AFF1: variants seen among roughly 807,000 people sequenced by gnomAD.
AFF1 encodes the protein ALF transcription elongation factor 1.
AFF1 carries 48 observed loss-of-function variants against 121.7 expected under a neutral mutation model. The observed-to-expected ratio is 0.39, with a 90% CI of 0.31 to 0.50. The LOEUF is 0.50. Ranked by LOEUF, AFF1 falls within the 20% of genes least tolerant of loss-of-function variation. The pLI is 0.76. For missense variants in AFF1, 1,523 were observed against 1,511.7 expected (o/e 1.01, Z -0.12); for synonymous variants, 613 against 563.0 (o/e 1.09, Z -1.26).
chr4:86,950,202 A>C, intron 2 of AFF1: 1 of 1,279,656 alleles, frequency 7.8e-7, no homozygotes, highest in Non-Finnish European at 1.1e-6. Context: ...TTTTAAGACA[A>C]AGTTTCGCTA....
intron 19 of AFF1, among the ~76,000 whole-genome samples, chr4:87,132,771 A>G (rs1338794001): frequency 6.6e-6 from 1 of 152,062 alleles, no homozygotes; most frequent in Non-Finnish European, 1.5e-5. Flanking sequence ...GCTTACTGCA[A>G]CCTCCACCTC....
chr4:87,029,720 G>A (rs80322978), intron 2 of AFF1, among the ~76,000 whole-genome samples: 6,380 of 152,168 alleles, frequency 0.042, 430 homozygotes, highest in African/African-American at 0.15. Context: ...AAGAATTGTA[G>A]TGTTAAGTCC....
In AFF1 at chr4:87,132,342, GTA is replaced by G; in HGVS notation, c.3246_3247del (p.Thr1083SerfsTer2). 6.2e-7 allele frequency: 1 copy of G among 1,613,180 alleles called. No individual in the cohort carries two copies. The highest frequency in any genetic ancestry group is 8.5e-7 in the Non-Finnish European group (1 of 1,179,716). Reference sequence around the variant, plus strand: ...AAAGACATAGCAATAAAGTATTCTCGTACTCTTAATAAACACTTCGAGAGTTC... The same window carrying G: ...AAAGACATAGCAATAAAGTATTCTCGCTCTTAATAAACACTTCGAGAGTTC... On this transcript the variant is annotated frameshift_variant, in exon 19 of 21. Transcript: ENST00000395146. LOFTEE classifies it high-confidence loss of function.
chr4:87,052,895 G>C (rs1450817727), intron 4 of AFF1, among the ~76,000 whole-genome samples: 1 of 152,080 alleles, frequency 6.6e-6, no homozygotes, highest in African/African-American at 2.4e-5. Flanking sequence ...AAGGCTGGTA[G>C]ACTTTTTATT....
intron 2 of AFF1, among the ~76,000 whole-genome samples, chr4:87,013,423 TA>T (rs111456918): frequency 0.044 from 6,770 of 152,138 alleles, 482 homozygotes; most frequent in African/African-American, 0.15. Flanking sequence ...ATCCCAGGGG[TA>T]AACATCTTAT....
intron 2 of AFF1, among the ~76,000 whole-genome samples, chr4:86,964,385 G>A (rs981094791): frequency 1.3e-5 from 2 of 151,410 alleles, no homozygotes; most frequent in African/African-American, 4.9e-5. Flanking sequence ...AAAGTGCTGG[G>A]ATTACAGGTG....
At chr4:87,056,998 A>G (rs753059372) in intron 4 of AFF1, among the ~76,000 whole-genome samples, 4 of 152,240 alleles carry the variant, frequency 2.6e-5, no homozygotes, top group African/African-American at 4.8e-5. Context: ...TGGATCTGAA[A>G]TCCAGACTCA....
chr4:87,069,337 T>C (rs1721727176), intron 4 of AFF1, among the ~76,000 whole-genome samples: 1 of 135,566 alleles, frequency 7.4e-6, no homozygotes, highest in Non-Finnish European at 1.5e-5. Context: ...ATTTGCATGG[T>C]TGTTAGTTTA....
chr4:87,061,006 A>C (rs935817575), intron 4 of AFF1, among the ~76,000 whole-genome samples: 1 of 152,128 alleles, frequency 6.6e-6, no homozygotes, highest in African/African-American at 2.4e-5. Context: ...TCTCCCTTAT[A>C]TTCGCTCAGG....
chr4:87,119,973 G>C (rs1272413844), intron 12 of AFF1, among the ~76,000 whole-genome samples: 1 of 152,174 alleles, frequency 6.6e-6, no homozygotes, highest in Non-Finnish European at 1.5e-5. Flanking sequence ...TATTGCTCCA[G>C]ATCAGCACCC....
intron 12 of AFF1, 42 bp from the exon 13 acceptor site, chr4:87,124,995 T>A: frequency 6.7e-7 from 1 of 1,486,628 alleles, no homozygotes; most frequent in Non-Finnish European, 9.1e-7. Context: ...GTCTGTACAA[T>A]TATGTTGGTA....
intron 2 of AFF1, among the ~76,000 whole-genome samples, chr4:86,962,015 TTTTA>T (rs1271424110): frequency 6.6e-6 from 1 of 152,222 alleles, no homozygotes; most frequent in Non-Finnish European, 1.5e-5. Flanking sequence ...GGAGACTATA[TTTTA>T]TTTGTCTAAA....
chr4:86,991,153 AAAC>A (rs1263254164), intron 2 of AFF1, among the ~76,000 whole-genome samples: 2 of 151,872 alleles, frequency 1.3e-5, no homozygotes, highest in Non-Finnish European at 2.9e-5. Flanking sequence ...ACAAAAAACA[AAAC>A]AAAAAAAAAC....
intron 4 of AFF1, among the ~76,000 whole-genome samples, chr4:87,055,954 G>C (rs766926585): frequency 1.3e-5 from 2 of 152,108 alleles, no homozygotes; most frequent in African/African-American, 4.8e-5. Flanking sequence ...CATTGATTTT[G>C]TTCCTTTCTT....
intron 2 of AFF1, among the ~76,000 whole-genome samples, chr4:86,960,794 C>G (rs1722092906): frequency 1.3e-5 from 2 of 152,134 alleles, no homozygotes; most frequent in Admixed American, 1.3e-4. Context: ...CACTTGGCTC[C>G]TCTGTTGCAG....
Position 87,007,395 on chromosome 4 carries a change from T to C in AFF1, c.39-38771T>C, listed in dbSNP as rs567513257. ...CTCATGGACGGAAGACCCCTGGCTC[T>C]ATAAGCTGAATTATGGCAGCCCAGT... is the stretch of plus-strand genomic sequence containing the variant. On this transcript the variant is annotated intron_variant, in intron 2 of 20. Coordinates refer to ENST00000395146, the MANE Select transcript of AFF1 (RefSeq NM_001166693.3). 48 of 1,614,090 alleles carry C rather than the reference T, an allele frequency of 3.0e-5. 1 individual carries two copies. The South Asian group carries it at 4.2e-4, about 14-fold the overall frequency.
intron 4 of AFF1, among the ~76,000 whole-genome samples, chr4:87,069,240 TAA>T (rs1292890270): frequency 6.7e-6 from 1 of 148,702 alleles, no homozygotes; most frequent in Admixed American, 6.7e-5. Context: ...ACTTGATAGG[TAA>T]TAGACAGGTG....
chr4:87,033,015 T>G (rs1273828631), intron 2 of AFF1, among the ~76,000 whole-genome samples: 2 of 152,154 alleles, frequency 1.3e-5, no homozygotes, highest in African/African-American at 4.8e-5. Flanking sequence ...CTGGGCATGA[T>G]GGTGCATGCC....
At chr4:87,021,751 T>C (rs1429151778) in intron 2 of AFF1, among the ~76,000 whole-genome samples, 1 of 152,242 alleles carries the variant, frequency 6.6e-6, no homozygotes, top group Non-Finnish European at 1.5e-5. Context: ...ATGCATTAAA[T>C]TTTTTCACAT....
Sources: allele counts gnomAD v4.1 joint callset (sites outside exome capture counted in the v4.1 genomes callset), GRCh38; gene constraint gnomAD v4.1.1; transcripts MANE v1.5; gene names NCBI Gene and HGNC (gene_info 2026-07-23, HGNC 2026-07-21).